The following PTPRN2 variants were observed in gnomAD, a reference collection of about 807,000 sequenced individuals.
PTPRN2 encodes receptor-type tyrosine-protein phosphatase N2.
A neutral mutation model predicts 118.8 loss-of-function variants in PTPRN2; 74 were observed. The ratio of observed to expected loss-of-function variants is 0.62; its 90% CI spans 0.52 to 0.76. PTPRN2 has a LOEUF of 0.76. Ranked by LOEUF, PTPRN2 falls within the 30% of genes least tolerant of loss-of-function variation. The pLI is 0.00. For synonymous variants in PTPRN2, 641 were observed against 608.0 expected, an observed-to-expected ratio of 1.05 and a Z score of -0.80; for missense variants, 1,481 against 1,394.4, an observed-to-expected ratio of 1.06 and a Z score of -0.99.
chr7:157,589,757 T>A (rs1343481922), intron 17 of PTPRN2, among the ~76,000 whole-genome samples: 1 of 152,258 alleles, frequency 6.6e-6, no homozygotes, highest in African/African-American at 2.4e-5. Context: ...ATTAGGATTT[T>A]AAAAAGAAAG....
chr7:158,238,547 A>C (rs757628522), intron 3 of PTPRN2, among the ~76,000 whole-genome samples: 3 of 152,244 alleles, frequency 2.0e-5, no homozygotes, highest in African/African-American at 2.4e-5. Context: ...GTTTGTTGGA[A>C]CTTATTTTAT....
At chr7:157,697,353 C>T (rs1797842938) in intron 12 of PTPRN2, among the ~76,000 whole-genome samples, 2 of 139,832 alleles carry the variant, frequency 1.4e-5, no homozygotes, top group Admixed American at 1.4e-4. Context: ...TAGTAGAGCC[C>T]TCACCATCTA....
intron 3 of PTPRN2, among the ~76,000 whole-genome samples, chr7:158,245,309 A>G (rs1472248370): frequency 6.6e-6 from 1 of 152,062 alleles, no homozygotes; most frequent in African/African-American, 2.4e-5. Context: ...TGGTCATGCC[A>G]GAATCCGTGG....
chr7:157,835,412 G>A (rs553313443), intron 12 of PTPRN2, among the ~76,000 whole-genome samples: 2 of 152,134 alleles, frequency 1.3e-5, no homozygotes, highest in African/African-American at 2.4e-5. Flanking sequence ...ACATTGAGGC[G>A]GCAGAGCAGA....
intron 1 of PTPRN2, among the ~76,000 whole-genome samples, chr7:158,584,679 C>A (rs1255157663): frequency 6.6e-6 from 1 of 152,190 alleles, no homozygotes; most frequent in African/African-American, 2.4e-5. Flanking sequence ...AGAGAGGAAG[C>A]AGTGAGACTT....
At chr7:157,957,167 G>T (rs1326363023) in intron 11 of PTPRN2, among the ~76,000 whole-genome samples, 1 of 152,148 alleles carries the variant, frequency 6.6e-6, no homozygotes, top group Non-Finnish European at 1.5e-5. Flanking sequence ...TCTAGAGCAG[G>T]GGACAAGAGT....
chr7:158,277,661 C>G (rs1799113651), intron 3 of PTPRN2, among the ~76,000 whole-genome samples: 1 of 152,234 alleles, frequency 6.6e-6, no homozygotes, highest in African/African-American at 2.4e-5. Context: ...GGACATATAG[C>G]TCTGGCCTTG....
chr7:158,394,054 G>T (rs1812143235), intron 2 of PTPRN2, among the ~76,000 whole-genome samples: 2 of 139,954 alleles, frequency 1.4e-5, no homozygotes, highest in South Asian at 4.7e-4. Context: ...GTCCCTCACA[G>T]ATGCGTGGCC....
chr7:158,516,178 A>G (rs1444916217), intron 1 of PTPRN2, among the ~76,000 whole-genome samples: 1 of 152,154 alleles, frequency 6.6e-6, no homozygotes, highest in East Asian at 1.9e-4. Context: ...CTCTCCTACA[A>G]TTAAAAGTGA....
rs113207019 is a variant in PTPRN2, at chr7:158,217,208, T to C, written c.278-11935A>G. Among the ~76,000 whole-genome samples the C allele has an allele frequency of 0.016, 2,426 of 152,236 alleles. 99 individuals are homozygous for C. In the East Asian group the frequency reaches 0.17, roughly 11 times the overall value. On this transcript the variant is annotated intron_variant, in intron 3 of 22. Transcript: ENST00000389418. ...GGGCAGTTTAGCTGGTGGCCCCTGA[T>C]AGAGTGCTTTCACCAGCAGCCTAGC... is the stretch of plus-strand genomic sequence containing the variant.
At chr7:157,697,648 T>A (rs1437439002) in intron 12 of PTPRN2, among the ~76,000 whole-genome samples, 1 of 147,808 alleles carries the variant, frequency 6.8e-6, no homozygotes, top group Non-Finnish European at 1.5e-5. Context: ...CCATGCATAC[T>A]GGATCTCGGC....
intron 3 of PTPRN2, among the ~76,000 whole-genome samples, chr7:158,270,841 TCACCTGGACCGCCCCCC>T (rs1798354344): frequency 4.3e-4 from 2 of 4,598 alleles, no homozygotes; most frequent in South Asian, 0.011. Flanking sequence ...GATGACCCCC[TCACCTGGACCGCCCCCC>T]CACCTGGACC....
At chr7:158,548,467 G>A (rs554825519) in intron 1 of PTPRN2, among the ~76,000 whole-genome samples, 14 of 152,168 alleles carry the variant, frequency 9.2e-5, no homozygotes, top group Middle Eastern at 3.4e-3. Flanking sequence ...CCATGCTCCC[G>A]TTCCTACCTG....
intron 12 of PTPRN2, among the ~76,000 whole-genome samples, chr7:157,894,307 G>A (rs1052137164): frequency 6.6e-6 from 1 of 152,210 alleles, no homozygotes; most frequent in East Asian, 1.9e-4. Context: ...GCTCCTGGAC[G>A]TTTGGCATCT....
chr7:158,007,987 G>C (rs1272181036), intron 11 of PTPRN2, among the ~76,000 whole-genome samples: 3 of 149,488 alleles, frequency 2.0e-5, no homozygotes, highest in Admixed American at 6.7e-5. Context: ...TTGTGTATAT[G>C]TGGGGTATGT....
intron 5 of PTPRN2, among the ~76,000 whole-genome samples, chr7:158,173,327 A>G (rs2150625544): frequency 6.6e-6 from 1 of 152,350 alleles, no homozygotes; most frequent in East Asian, 1.9e-4. Context: ...AAAGAGTACA[A>G]AGAGGTAAAT....
intron 11 of PTPRN2, among the ~76,000 whole-genome samples, chr7:158,037,449 T>A (rs892170458): frequency 7.2e-5 from 11 of 152,214 alleles, no homozygotes; most frequent in African/African-American, 2.4e-4. Flanking sequence ...CTGTACTGAG[T>A]GCTGTAGGCA....
At chr7:158,413,460 C>A (rs1481104540) in intron 2 of PTPRN2, among the ~76,000 whole-genome samples, 1 of 152,236 alleles carries the variant, frequency 6.6e-6, no homozygotes, top group Non-Finnish European at 1.5e-5. Context: ...CCCAATTGGC[C>A]AAGTCCTCTT....
chr7:157,889,770 G>A (rs558099120), intron 12 of PTPRN2, among the ~76,000 whole-genome samples: 19 of 152,328 alleles, frequency 1.2e-4, no homozygotes, highest in East Asian at 9.6e-4. Context: ...GCTTCTGGCC[G>A]GAGGCTACGC....
Sources: allele counts gnomAD v4.1 joint callset (sites outside exome capture counted in the v4.1 genomes callset), GRCh38; gene constraint gnomAD v4.1.1; transcripts MANE v1.5; gene names NCBI Gene and HGNC (gene_info 2026-07-23, HGNC 2026-07-21).